CYP24A1: variants seen among roughly 807,000 people sequenced by gnomAD.
CYP24A1 encodes the protein cytochrome P450 family 24 subfamily A member 1, also known as 1,25-dihydroxyvitamin D(3) 24-hydroxylase, mitochondrial.
A neutral mutation model predicts 62.4 loss-of-function variants in CYP24A1; 68 were observed. The ratio of observed to expected loss-of-function variants is 1.09; its 90% CI spans 0.90 to 1.33. The LOEUF is 1.33. Among genes scored for constraint, CYP24A1 ranks in the 40% most tolerant of loss-of-function variants. The pLI, the probability that CYP24A1 is intolerant of heterozygous loss-of-function variation, is 0.00. For missense variants in CYP24A1, 787 were observed against 653.0 expected (o/e 1.21, Z -2.24); for synonymous variants, 267 against 253.0 (o/e 1.06, Z -0.52).
chr20:54,153,150 G>A (rs551522286), downstream of CYP24A1, among the ~76,000 whole-genome samples: 131 of 152,196 alleles, frequency 8.6e-4, 1 homozygote, highest in African/African-American at 3.0e-3. Flanking sequence ...CTCCCAGGCC[G>A]TTCTACCCCC....
At position 54,157,492 on chromosome 20, in the gene CYP24A1, TCTC is replaced by T. The variant is rs1474147228; in HGVS notation, c.1327_1329del (p.Glu443del). 1 of 1,601,144 alleles carries T rather than the reference TCTC, an allele frequency of 6.2e-7. No homozygotes were observed. The highest frequency in any genetic ancestry group is 8.6e-7 in the Non-Finnish European group (1 of 1,168,162). ...TGCGCAAAAGGATTAATTTTTTCCT[TCTC>T]CTGAAGCCAACGTTCAGGTCTAAAC... is the stretch of plus-strand genomic sequence containing the variant. On this transcript the variant is annotated inframe_deletion, in exon 10 of 12. Transcript: ENST00000216862.
At chr20:54,170,650 A>G (rs888295361) in intron 3 of CYP24A1, among the ~76,000 whole-genome samples, 1 of 152,142 alleles carries the variant, frequency 6.6e-6, no homozygotes, top group South Asian at 2.1e-4. Context: ...ACTTGGTGAC[A>G]TGAGGTCTGC....
intron 7 of CYP24A1, among the ~76,000 whole-genome samples, chr20:54,161,681 A>G (rs1225417083): frequency 6.6e-6 from 1 of 152,074 alleles, no homozygotes; most frequent in Non-Finnish European, 1.5e-5. Flanking sequence ...TTGAAAAAAT[A>G]AAAGAATAAT....
chr20:54,162,586 CTT>C, intron 7 of CYP24A1, 129 bp downstream of exon 7: 1 of 747,320 alleles, frequency 1.3e-6, no homozygotes, highest in South Asian at 1.5e-5. Flanking sequence ...TAGTATGAGA[CTT>C]TTCATTTTTG....
At position 54,164,537 on chromosome 20, in the gene CYP24A1, C is replaced by T; in HGVS notation, c.759G>A (p.Met253Ile). Residue 253 changes from methionine to isoleucine, a missense_variant, in exon 6 of 12, where the codon ATG becomes ATA. Met to Ile is a conservative substitution (Grantham distance 10). Transcript: ENST00000216862. ...KTMMSTFGRMMVTPVELHKSL... is the reference protein window; with the variant it reads ...KTMMSTFGRMIVTPVELHKSL... ...TCTTGTGCAGCTCGACTGGAGTGAC[C>T]ATCATCCTCCCAAACGTGCTCATCA... The T allele has an allele frequency of 6.2e-7, 1 of 1,614,134 alleles. No homozygotes were observed. Among genetic ancestry groups the T allele is most frequent in the Non-Finnish European group, 8.5e-7 (1 of 1,180,016 alleles).
downstream of CYP24A1, among the ~76,000 whole-genome samples, chr20:54,151,225 C>G (rs12624824): frequency 0.072 from 10,957 of 152,216 alleles, 560 homozygotes; most frequent in East Asian, 0.28. Flanking sequence ...GTTCCTCCCC[C>G]TTTTAGACCA....
chr20:54,172,654 G>T (rs1318480359), intron 2 of CYP24A1: 1 of 747,416 alleles, frequency 1.3e-6, no homozygotes, highest in East Asian at 3.0e-5. Context: ...GCGTTTCTTT[G>T]ATGGGAGGGT....
In CYP24A1 at chr20:54,164,626, C is replaced by T. The variant is rs148594831; in HGVS notation, c.733-63G>A. 8.5e-4 allele frequency: 1,372 copies of T among 1,612,936 alleles called. 15 individuals are homozygous for T. The East Asian group carries it at 0.026, about 31-fold the overall frequency. Reference sequence around the variant, plus strand: ...CCTTCTCTCAAAGACAATGTTCGTTCTGGAAGAGGAACATTCTAAACCGCA... The same window carrying T: ...CCTTCTCTCAAAGACAATGTTCGTTTTGGAAGAGGAACATTCTAAACCGCA... On this transcript the variant is annotated intron_variant, in intron 5 of 11. Coordinates refer to ENST00000216862, the MANE Select transcript of CYP24A1 (RefSeq NM_000782.5).
chr20:54,154,924 C>A (rs114894168), intron 11 of CYP24A1, 163 bp from the exon 12 acceptor site: 1 of 94,890 alleles, frequency 1.1e-5, no homozygotes, highest in African/African-American at 4.3e-5. Context: ...GTTGAAATGG[C>A]TGTTTTGGTC....
chr20:54,163,548 A>G (rs572561037), intron 6 of CYP24A1, among the ~76,000 whole-genome samples: 1 of 152,318 alleles, frequency 6.6e-6, no homozygotes, highest in Middle Eastern at 3.4e-3. Context: ...ATCACCTAGC[A>G]TGCAATCTTG....
chr20:54,160,891 A>G (rs909122441), intron 7 of CYP24A1, among the ~76,000 whole-genome samples: 7 of 152,112 alleles, frequency 4.6e-5, no homozygotes, highest in African/African-American at 1.7e-4. Context: ...GGCCTGGAAA[A>G]CCTCAGGGGC....
downstream of CYP24A1, among the ~76,000 whole-genome samples, chr20:54,149,917 G>T (rs1163539705): frequency 6.6e-6 from 1 of 152,146 alleles, no homozygotes; most frequent in Non-Finnish European, 1.5e-5. Flanking sequence ...ATGTGACATG[G>T]CCCCTAGACA....
Position 54,157,399 on chromosome 20 carries a change from C to A in CYP24A1, c.1423G>T (p.Ala475Ser), listed in dbSNP as rs760535613. ...RRLAELQLHL[A>S]LCWIVRKYDI... ...GGTAAAGGTTTTACCCAACAAAGAGCCAAATGCAGTTGAAGCTCTGCTAAT... is the reference window on the plus strand; with the variant it reads ...GGTAAAGGTTTTACCCAACAAAGAGACAAATGCAGTTGAAGCTCTGCTAAT... Residue 475 changes from alanine to serine, a missense_variant, in exon 10 of 12, where the codon GCT becomes TCT. By Grantham distance (99) the Ala-to-Ser change is moderately conservative. Transcript: ENST00000216862. The A allele has an allele frequency of 1.9e-6, 3 of 1,590,052 alleles. No homozygotes were observed. Among genetic ancestry groups the A allele is most frequent in the Admixed American group, 1.7e-5 (1 of 60,008 alleles).
chr20:54,171,581 T>C lies in CYP24A1; in HGVS notation c.539A>G (p.Asn180Ser), dbSNP rs977290488. The C allele has an allele frequency of 3.1e-6, 5 of 1,613,824 alleles. No homozygotes were observed. The African/African-American group carries it at 5.3e-5, about 17-fold the overall frequency. The change falls in exon 3 of 12, where the codon AAT becomes AGT. Residue 180 changes from asparagine to serine, a missense_variant. Asn to Ser is a conservative substitution (Grantham distance 46). Coordinates refer to ENST00000216862, the MANE Select transcript of CYP24A1 (RefSeq NM_000782.5). ...GEVMKLDNKI[N>S]EVLADFMGRI... is the part of the protein sequence containing the mutation. ...AGCTGGCCCCAGCCTGCAGACCTCA[T>C]TGATTTTGTTGTCCAGCTTCATCAC... is the stretch of plus-strand genomic sequence containing the variant.
intron 4 of CYP24A1, among the ~76,000 whole-genome samples, chr20:54,167,837 A>G (rs2092677648): frequency 6.6e-6 from 1 of 152,200 alleles, no homozygotes; most frequent in Non-Finnish European, 1.5e-5. Flanking sequence ...CCTTGAATTT[A>G]TGGAAGTGTT....
At chr20:54,152,971 A>G (rs2092614958), downstream of CYP24A1, among the ~76,000 whole-genome samples, 1 of 152,222 alleles carries the variant, frequency 6.6e-6, no homozygotes, top group South Asian at 2.1e-4. Context: ...CCAGCCACGG[A>G]AAATTTGGCT....
intron 2 of CYP24A1, 96 bp downstream of exon 2, chr20:54,172,812 AC>A (rs2092698402): frequency 6.3e-7 from 1 of 1,594,822 alleles, no homozygotes; most frequent in African/African-American, 1.3e-5. Flanking sequence ...GAAGCTTCCA[AC>A]CCCAGGGAAC....
intron 7 of CYP24A1, among the ~76,000 whole-genome samples, chr20:54,161,268 G>T (rs2092649311): frequency 1.3e-5 from 2 of 152,192 alleles, no homozygotes; most frequent in South Asian, 4.1e-4. Context: ...TCTGTGGCTG[G>T]CTCTTCTCAT....
In CYP24A1 at chr20:54,173,912, C is replaced by G. The variant is rs1204607323; in HGVS notation, c.-333G>C. On this transcript the variant is annotated 5_prime_UTR_variant, in exon 1 of 12. Coordinates refer to ENST00000216862, the MANE Select transcript of CYP24A1 (RefSeq NM_000782.5). The surrounding 1 kb of genome is among the most constrained non-coding windows in gnomAD (Gnocchi z 7.2). ...CGCAAGGCTGACCTCTAGGGTCTGG[C>G]TGGAGCCACGGGGAGGTGTCAAGGA... is the stretch of plus-strand genomic sequence containing the variant. The G allele has an allele frequency of 2.4e-6, 1 of 416,144 alleles. No individual in the cohort carries two copies. The highest frequency in any genetic ancestry group is 4.4e-6 in the Non-Finnish European group (1 of 227,458). The allele number at this position is 416,144 out of a possible 1,614,324, so 25.8% of individuals were successfully genotyped here.
Sources: allele counts gnomAD v4.1 joint callset (sites outside exome capture counted in the v4.1 genomes callset), GRCh38; gene constraint gnomAD v4.1.1; non-coding constraint Gnocchi (gnomAD v3.1); transcripts MANE v1.5; gene names NCBI Gene and HGNC (gene_info 2026-07-23, HGNC 2026-07-21).